ADAM22: variants seen among roughly 807,000 people sequenced by gnomAD.
ADAM22 encodes ADAM metallopeptidase domain 22, also known as disintegrin and metalloproteinase domain-containing protein 22.
Under a neutral mutation model 144.6 loss-of-function variants are expected in ADAM22, and 65 were observed. The ratio of observed to expected loss-of-function variants is 0.45; its 90% CI spans 0.37 to 0.55. ADAM22 has a LOEUF of 0.55. Among genes scored for constraint, ADAM22 ranks in the 20% least tolerant of loss-of-function variants. The probability of loss-of-function intolerance (pLI) is 0.00; values close to 1 mark genes in which losing one functional copy is unlikely to be tolerated. For synonymous variants in ADAM22, 391 were observed against 412.6 expected, an observed-to-expected ratio of 0.95 and a Z score of 0.63; for missense variants, 974 against 1,184.9, an observed-to-expected ratio of 0.82 and a Z score of 2.61.
rs1473768700 is a variant in ADAM22 at position 88,184,017 on chromosome 7, G to C, written c.2663+1993G>C. 5.3e-5 allele frequency among the ~76,000 whole-genome samples: 8 copies of C among 152,058 alleles called. No homozygotes were observed. In the East Asian group the frequency reaches 1.5e-3, roughly 29 times the overall value. On this transcript the variant is annotated intron_variant, in intron 29 of 31. Coordinates refer to ENST00000413139, the MANE Select transcript of ADAM22 (RefSeq NM_001324418.2). ...CTACAAGAGGAGCAGAATTACCACA[G>C]ACAAATATATCTTTTATTTTTTTCA...
intron 3 of ADAM22, among the ~76,000 whole-genome samples, chr7:88,024,910 C>T (rs1429056573): frequency 1.3e-5 from 2 of 152,130 alleles, no homozygotes; most frequent in East Asian, 3.8e-4. Context: ...CATAGTATTC[C>T]ATGGTGTATA....
At chr7:88,192,870 T>G (rs1197534904) in intron 30 of ADAM22, among the ~76,000 whole-genome samples, 2 of 152,216 alleles carry the variant, frequency 1.3e-5, no homozygotes, top group African/African-American at 2.4e-5. Flanking sequence ...TTTTAGTGGC[T>G]TGTAGTTGAA....
chr7:87,935,464 G>T (rs1217455339), intron 2 of ADAM22, among the ~76,000 whole-genome samples: 1 of 152,206 alleles, frequency 6.6e-6, no homozygotes, highest in Non-Finnish European at 1.5e-5. Flanking sequence ...AGAGCCCTCT[G>T]ACATCTGTCA....
intron 3 of ADAM22, among the ~76,000 whole-genome samples, chr7:88,019,491 T>G (rs998975974): frequency 9.9e-5 from 15 of 151,582 alleles, no homozygotes; most frequent in African/African-American, 2.4e-4. Flanking sequence ...AAGAAAGAAA[T>G]AAATACACAA....
chr7:87,999,417 G>T (rs1481736028), intron 3 of ADAM22, among the ~76,000 whole-genome samples: 7 of 35,454 alleles, frequency 2.0e-4, no homozygotes, highest in African/African-American at 4.2e-4. Flanking sequence ...TCAAGAATCA[G>T]GGAGACTCAT....
intron 3 of ADAM22, among the ~76,000 whole-genome samples, chr7:88,006,362 A>G (rs553077890): frequency 2.0e-4 from 30 of 151,960 alleles, no homozygotes; most frequent in African/African-American, 6.5e-4. Flanking sequence ...AACTATTCCA[A>G]TCAACAGAAA....
rs541794893 is a variant in ADAM22, at chr7:88,127,098, A to G, written c.678+1439A>G. Among the ~76,000 whole-genome samples the G allele has an allele frequency of 4.4e-3, 666 of 150,442 alleles. 7 individuals carry two copies. The highest frequency in any genetic ancestry group is 0.013 in the African/African-American group (529 of 41,262). ...CTCATATATAAACATATGTGTGTGTATATATATATATATGAATAGGTAAAG... is the reference window on the plus strand; with the variant it reads ...CTCATATATAAACATATGTGTGTGTGTATATATATATATGAATAGGTAAAG... On this transcript the variant is annotated intron_variant, in intron 8 of 31. Coordinates refer to ENST00000413139, the MANE Select transcript of ADAM22 (RefSeq NM_001324418.2).
chr7:87,950,389 T>C (rs1844754071), intron 2 of ADAM22, among the ~76,000 whole-genome samples: 1 of 147,248 alleles, frequency 6.8e-6, no homozygotes, highest in African/African-American at 2.5e-5. Context: ...ACATGCGGTG[T>C]TTGGTTTTTT....
At chr7:87,955,540 C>T (rs573719133) in intron 2 of ADAM22, among the ~76,000 whole-genome samples, 1 of 152,256 alleles carries the variant, frequency 6.6e-6, no homozygotes, top group Admixed American at 6.5e-5. Context: ...GTCAGTCTGC[C>T]CCTACTGGGG....
At chr7:88,080,094 G>A (rs1459779327) in intron 4 of ADAM22, among the ~76,000 whole-genome samples, 1 of 152,160 alleles carries the variant, frequency 6.6e-6, no homozygotes, top group Non-Finnish European at 1.5e-5. Context: ...CACATAGTTG[G>A]AAGTAAAGCA....
intron 3 of ADAM22, among the ~76,000 whole-genome samples, chr7:88,064,864 G>A (rs1466177855): frequency 6.6e-6 from 1 of 152,062 alleles, no homozygotes; most frequent in Non-Finnish European, 1.5e-5. Context: ...TTAGCATGTT[G>A]TTATGTGGAT....
rs571320246 is a variant in ADAM22, at chr7:88,027,592, T to C, written c.324-48034T>C. Among the ~76,000 whole-genome samples, 16 of 152,236 alleles carry C rather than the reference T, an allele frequency of 1.1e-4. 1 individual carries two copies. Among genetic ancestry groups the C allele is most frequent in the East Asian group, 7.7e-4 (4 of 5,180 alleles). On this transcript the variant is annotated intron_variant, in intron 3 of 31. Coordinates refer to ENST00000413139, the MANE Select transcript of ADAM22 (RefSeq NM_001324418.2). ...TCAATTGACTCTTTTCTCTTTTTTT[T>C]CCCCCATTAGGCTGGCTAAAGATTT...
At chr7:87,975,021 T>C (rs1162815958) in intron 2 of ADAM22, among the ~76,000 whole-genome samples, 2 of 152,184 alleles carry the variant, frequency 1.3e-5, no homozygotes, top group African/African-American at 4.8e-5. Context: ...CAAGTCAAGG[T>C]CCTTAACAAT....
chr7:88,182,629 G>A (rs931658546), intron 29 of ADAM22, among the ~76,000 whole-genome samples: 2 of 152,038 alleles, frequency 1.3e-5, no homozygotes, highest in African/African-American at 4.8e-5. Context: ...TGATAGCCAT[G>A]CATTTACTTT....
chr7:87,994,002 T>G (rs2129452226), intron 3 of ADAM22, among the ~76,000 whole-genome samples: 1 of 152,302 alleles, frequency 6.6e-6, no homozygotes, highest in Admixed American at 6.5e-5. Context: ...ATCAGCTTAT[T>G]AATAAATAAT....
intron 4 of ADAM22, among the ~76,000 whole-genome samples, chr7:88,078,087 AC>A (rs893992016): frequency 2.0e-5 from 3 of 152,184 alleles, no homozygotes; most frequent in South Asian, 4.2e-4. Flanking sequence ...ACTGGGAGGC[AC>A]CCCCCAGTAG....
intron 4 of ADAM22, among the ~76,000 whole-genome samples, chr7:88,087,354 T>G (rs1479349569): frequency 1.3e-5 from 2 of 152,196 alleles, no homozygotes; most frequent in Non-Finnish European, 2.9e-5. Context: ...TTCTCTCAAA[T>G]TCAGTTATGC....
At chr7:88,076,053 C>T (rs7782624) in intron 4 of ADAM22, among the ~76,000 whole-genome samples, 3,925 of 152,178 alleles carry the variant, frequency 0.026, 87 homozygotes, top group South Asian at 0.072. Flanking sequence ...TCGCTCTTGT[C>T]GCCCAGCTGG....
chr7:88,143,958 CT>C (rs1835555685), intron 15 of ADAM22, among the ~76,000 whole-genome samples: 1 of 152,176 alleles, frequency 6.6e-6, no homozygotes, highest in African/African-American at 2.4e-5. Flanking sequence ...CAGTTCAAGT[CT>C]TTTTACCAAA....
Sources: gnomAD v4.1 joint callset for allele counts (sites outside exome capture counted in the v4.1 genomes callset) on GRCh38, gnomAD v4.1.1 for gene constraint, MANE v1.5 for transcripts, NCBI Gene and HGNC (gene_info 2026-07-23, HGNC 2026-07-21) for gene names.